The following M1AP variants were observed in gnomAD, a reference collection of about 807,000 sequenced individuals.
M1AP encodes meiosis 1 associated protein, also known as meiosis 1 arrest protein.
M1AP carries 39 observed loss-of-function variants against 51.2 expected under a neutral mutation model. The ratio of observed to expected loss-of-function variants is 0.76; its 90% CI spans 0.59 to 1.00. The LOEUF is 1.00. M1AP is among the 50% of genes least tolerant of loss of function. The probability of loss-of-function intolerance (pLI) is 0.00; values close to 1 mark genes in which losing one functional copy is unlikely to be tolerated. For missense variants in M1AP, 545 were observed against 641.2 expected, an observed-to-expected ratio of 0.85 and a Z score of 1.62; for synonymous variants, 251 against 249.2, an observed-to-expected ratio of 1.01 and a Z score of -0.07.
At chr2:74,642,217 AC>A (rs1683337653) in intron 1 of M1AP, among the ~76,000 whole-genome samples, 2 of 152,112 alleles carry the variant, frequency 1.3e-5, no homozygotes, top group Non-Finnish European at 1.5e-5. Context: ...GGATAATCTC[AC>A]CCATAAACTT....
intron 4 of M1AP, among the ~76,000 whole-genome samples, chr2:74,591,793 T>A (rs1007266871): frequency 5.9e-5 from 9 of 152,036 alleles, no homozygotes; most frequent in Non-Finnish European, 8.8e-5. Context: ...GACATACTCT[T>A]TTATTTTTTT....
chr2:74,613,777 A>G (rs982107171), intron 3 of M1AP, among the ~76,000 whole-genome samples: 2 of 152,166 alleles, frequency 1.3e-5, no homozygotes, highest in African/African-American at 2.4e-5. Context: ...GGCATGAGGG[A>G]ATTTTCCCCC....
chr2:74,564,106 G>C (rs949229242), intron 7 of M1AP, among the ~76,000 whole-genome samples: 4 of 152,082 alleles, frequency 2.6e-5, no homozygotes, highest in African/African-American at 4.8e-5. Flanking sequence ...AAGAGGAAAG[G>C]CAAAAAGGGG....
intron 3 of M1AP, among the ~76,000 whole-genome samples, chr2:74,611,783 G>T (rs979703572): frequency 2.1e-5 from 3 of 145,262 alleles, no homozygotes; most frequent in African/African-American, 7.7e-5. Flanking sequence ...GGTGAGCCGA[G>T]ATTACGCCAT....
At chr2:74,578,477 T>G (rs916882833) in intron 5 of M1AP, among the ~76,000 whole-genome samples, 3 of 151,312 alleles carry the variant, frequency 2.0e-5, no homozygotes, top group Non-Finnish European at 4.4e-5. Flanking sequence ...TTTTTATAAG[T>G]TCCCCATGTG....
chr2:74,611,832 C>CAAAA lies in M1AP; in HGVS notation c.426+3128_426+3131dup, dbSNP rs754535625. On this transcript the variant is annotated intron_variant, in intron 3 of 10. Coordinates refer to ENST00000421985, the MANE Select transcript of M1AP (RefSeq NM_001321739.2). ...GGGCAACAAGAGCAAAACTCCATCT[C>CAAAA]AAAACAAACAAACAAAAAACAGACA... Among the ~76,000 whole-genome samples the CAAAA allele has an allele frequency of 3.6e-4, 35 of 98,224 alleles. No individual in the cohort carries two copies. In the South Asian group the frequency reaches 0.012, roughly 34 times the overall value. 64.4% of individuals were successfully genotyped at this position (98,224 alleles called of 152,430 possible).
chr2:74,588,405 C>T (rs946740729), intron 4 of M1AP, among the ~76,000 whole-genome samples: 2 of 152,176 alleles, frequency 1.3e-5, no homozygotes, highest in East Asian at 1.9e-4. Context: ...TAGCTGTCTA[C>T]TCTCTGAATA....
chr2:74,607,359 G>T, intron 3 of M1AP, 136 bp from the exon 4 acceptor site: 1 of 837,568 alleles, frequency 1.2e-6, no homozygotes, highest in Non-Finnish European at 1.8e-6. Flanking sequence ...AAAAGGATTT[G>T]GCTGTAACTT....
intron 3 of M1AP, among the ~76,000 whole-genome samples, chr2:74,609,564 G>C (rs1490396025): frequency 6.6e-6 from 1 of 152,042 alleles, no homozygotes; most frequent in African/African-American, 2.4e-5. Flanking sequence ...ATTTCCTTTG[G>C]GTATATACCC....
At chr2:74,585,903 G>A (rs1190391486) in intron 4 of M1AP, among the ~76,000 whole-genome samples, 2 of 152,092 alleles carry the variant, frequency 1.3e-5, no homozygotes, top group African/African-American at 4.8e-5. Context: ...ACTACTACCA[G>A]TTACTTTTTC....
chr2:74,621,273 C>G (rs1682013866), intron 2 of M1AP, among the ~76,000 whole-genome samples: 1 of 151,638 alleles, frequency 6.6e-6, no homozygotes, highest in Non-Finnish European at 1.5e-5. Flanking sequence ...CAGAGCGAGG[C>G]TCCGTCTCAA....
chr2:74,617,227 C>T (rs1381508409), intron 2 of M1AP, among the ~76,000 whole-genome samples: 1 of 152,156 alleles, frequency 6.6e-6, no homozygotes, highest in Non-Finnish European at 1.5e-5. Context: ...ATAGGACAGA[C>T]ACAGAATGAT....
At chr2:74,561,360 C>T (rs1424178799) in intron 8 of M1AP, among the ~76,000 whole-genome samples, 6 of 152,120 alleles carry the variant, frequency 3.9e-5, no homozygotes, top group Admixed American at 2.6e-4. Context: ...CTATTTTGGG[C>T]ACCTACATTG....
chr2:74,601,402 T>C (rs760291147), intron 4 of M1AP, among the ~76,000 whole-genome samples: 7 of 152,134 alleles, frequency 4.6e-5, no homozygotes, highest in Admixed American at 1.3e-4. Context: ...TAATATTACA[T>C]GTATATCAGT....
intron 2 of M1AP, among the ~76,000 whole-genome samples, chr2:74,630,883 CA>C (rs1682665900): frequency 6.6e-6 from 1 of 152,260 alleles, no homozygotes; most frequent in Non-Finnish European, 1.5e-5. Context: ...GGGTATTTCT[CA>C]GTGTGCCTTC....
intron 4 of M1AP, among the ~76,000 whole-genome samples, chr2:74,583,438 G>A (rs1201099473): frequency 2.0e-5 from 3 of 152,150 alleles, no homozygotes; most frequent in African/African-American, 7.2e-5. Flanking sequence ...ATGAGGCTTT[G>A]CTGGTGTACT....
At chr2:74,562,008 T>C in intron 8 of M1AP, 1 of 985,398 alleles carries the variant, frequency 1.0e-6, no homozygotes, top group Non-Finnish European at 1.2e-6. Flanking sequence ...TTCCCTCCAT[T>C]CTATTTCACT....
At chr2:74,596,107 G>A (rs1359029565) in intron 4 of M1AP, among the ~76,000 whole-genome samples, 1 of 152,180 alleles carries the variant, frequency 6.6e-6, no homozygotes, top group African/African-American at 2.4e-5. Context: ...TGGTAGACCT[G>A]AGTCCAACTA....
intron 2 of M1AP, among the ~76,000 whole-genome samples, chr2:74,623,532 T>A (rs1682196593): frequency 6.7e-6 from 1 of 149,850 alleles, no homozygotes; most frequent in Non-Finnish European, 1.5e-5. Context: ...AGAGAGAGAG[T>A]TTGAGGCATT....
Sources: allele counts gnomAD v4.1 joint callset (sites outside exome capture counted in the v4.1 genomes callset), GRCh38; gene constraint gnomAD v4.1.1; transcripts MANE v1.5; gene names NCBI Gene and HGNC (gene_info 2026-07-23, HGNC 2026-07-21).